The following PARD3 variants were observed in gnomAD, a reference collection of about 807,000 sequenced individuals.
The protein encoded by PARD3 is partitioning defective 3 homolog.
A neutral mutation model predicts 155.4 loss-of-function variants in PARD3; 75 were observed. The ratio of observed to expected loss-of-function variants is 0.48; its 90% CI spans 0.40 to 0.58. The LOEUF (loss-of-function observed/expected upper bound fraction) is 0.58. PARD3 is among the 20% of genes least tolerant of loss of function. The probability of loss-of-function intolerance (pLI) is 0.00; values close to 1 mark genes in which losing one functional copy is unlikely to be tolerated. For synonymous variants in PARD3, 576 were observed against 610.5 expected (o/e 0.94, Z 0.83); for missense variants, 1,642 against 1,721.7 (o/e 0.95, Z 0.82).
rs7092877 is a variant in PARD3, at chr10:34,499,456, A to G, written c.403+17523T>C. On this transcript the variant is annotated intron_variant, in intron 3 of 24. Coordinates refer to ENST00000374788, the MANE Select transcript of PARD3 (RefSeq NM_001184785.2). ...ACAAAAAGTTATTTGCGAGGTTTCC[A>G]TATAAAATTACAACCTTGGAGAATG... is the stretch of plus-strand genomic sequence containing the variant. Among the ~76,000 whole-genome samples, 4 of 152,166 alleles carry G rather than the reference A, an allele frequency of 2.6e-5. No individual in the cohort carries two copies. In the East Asian group the frequency reaches 5.8e-4, roughly 22 times the overall value.
chr10:34,502,250 G>A (rs2080765378), intron 3 of PARD3, among the ~76,000 whole-genome samples: 1 of 152,290 alleles, frequency 6.6e-6, no homozygotes, highest in East Asian at 1.9e-4. Flanking sequence ...AGTCTTAAAC[G>A]TGGAAGAGAA....
intron 5 of PARD3, among the ~76,000 whole-genome samples, chr10:34,412,366 T>A (rs979922689): frequency 5.3e-5 from 8 of 152,166 alleles, no homozygotes; most frequent in African/African-American, 1.4e-4. Flanking sequence ...TAACATTTTT[T>A]AAAAAGCGAT....
At chr10:34,398,029 T>A (rs895693199) in intron 7 of PARD3, among the ~76,000 whole-genome samples, 5 of 152,148 alleles carry the variant, frequency 3.3e-5, no homozygotes, top group Non-Finnish European at 5.9e-5. Context: ...TCTCTAAAGT[T>A]AAAAAAAGAA....
chr10:34,455,109 G>C (rs1283541342), intron 4 of PARD3, among the ~76,000 whole-genome samples: 2 of 152,154 alleles, frequency 1.3e-5, no homozygotes. Context: ...GCAGAAGTCA[G>C]AACTGGGGTT....
intron 22 of PARD3, among the ~76,000 whole-genome samples, chr10:34,242,700 G>C (rs1329697073): frequency 1.3e-5 from 2 of 152,166 alleles, no homozygotes; most frequent in Non-Finnish European, 2.9e-5. Context: ...TTGAAAGGTG[G>C]AGGCAGGCAG....
intron 22 of PARD3, among the ~76,000 whole-genome samples, chr10:34,190,654 T>C (rs762719270): frequency 2.0e-5 from 3 of 152,128 alleles, no homozygotes; most frequent in Non-Finnish European, 4.4e-5. Context: ...TGGGAGCCCA[T>C]GGCCTAAATG....
chr10:34,286,032 A>T (rs1056265900), intron 20 of PARD3, among the ~76,000 whole-genome samples: 4 of 152,228 alleles, frequency 2.6e-5, no homozygotes, highest in Non-Finnish European at 5.9e-5. Flanking sequence ...AAGGTATAAA[A>T]TACATGCTAT....
intron 2 of PARD3, among the ~76,000 whole-genome samples, chr10:34,617,584 T>C (rs2091344360): frequency 6.6e-6 from 1 of 152,254 alleles, no homozygotes; most frequent in Non-Finnish European, 1.5e-5. Flanking sequence ...CCGTATGCCA[T>C]AAATATGTAT....
chr10:34,368,927 CT>C (rs1840278379), intron 12 of PARD3, among the ~76,000 whole-genome samples: 1 of 149,348 alleles, frequency 6.7e-6, no homozygotes, highest in Admixed American at 6.7e-5. Flanking sequence ...TTCTTTATTA[CT>C]TGTTTATTTA....
intron 19 of PARD3, among the ~76,000 whole-genome samples, chr10:34,328,094 C>T (rs779616575): frequency 4.6e-5 from 7 of 152,176 alleles, no homozygotes; most frequent in African/African-American, 9.7e-5. Context: ...AGTGCCTTCG[C>T]GTCTTCAGTT....
intron 2 of PARD3, among the ~76,000 whole-genome samples, chr10:34,622,819 C>CTTTTTTT (rs1391152056): frequency 7.7e-6 from 1 of 129,746 alleles, no homozygotes; most frequent in African/African-American, 2.9e-5. Context: ...AGTTGGTTTT[C>CTTTTTTT]TTTTTTTCTT....
At chr10:34,231,481 C>A (rs1952929345) in intron 22 of PARD3, among the ~76,000 whole-genome samples, 1 of 151,940 alleles carries the variant, frequency 6.6e-6, no homozygotes, top group Non-Finnish European at 1.5e-5. Flanking sequence ...TACAGATGAT[C>A]ATCTTTCAGG....
chr10:34,337,266 T>C lies in PARD3; in HGVS notation c.2560+9A>G. ...TATTTAGATAAAGATTCATGGAGAT[T>C]GTACTCACTACCTAAATCCATGCTT... On this transcript the variant is annotated intron_variant, in intron 17 of 24. Transcript: ENST00000374788. The C allele has an allele frequency of 1.3e-6, 2 of 1,541,722 alleles. No homozygotes were observed. Among genetic ancestry groups the C allele is most frequent in the South Asian group, 1.2e-5 (1 of 81,546 alleles).
At chr10:34,640,112 GA>G (rs2092622159) in intron 2 of PARD3, among the ~76,000 whole-genome samples, 1 of 152,168 alleles carries the variant, frequency 6.6e-6, no homozygotes, top group South Asian at 2.1e-4. Flanking sequence ...TACAACTGAA[GA>G]AAGAACAAGC....
intron 22 of PARD3, among the ~76,000 whole-genome samples, chr10:34,234,826 T>C (rs1030268051): frequency 3.3e-5 from 5 of 152,204 alleles, no homozygotes; most frequent in African/African-American, 1.2e-4. Context: ...TCTTATGTTT[T>C]TGTAAATGAA....
intron 2 of PARD3, among the ~76,000 whole-genome samples, chr10:34,645,992 G>A (rs1180353299): frequency 6.6e-6 from 1 of 152,126 alleles, no homozygotes; most frequent in African/African-American, 2.4e-5. Flanking sequence ...CACAGAACCG[G>A]GATAAGAGTA....
chr10:34,581,512 G>T (rs1285379287), intron 2 of PARD3, among the ~76,000 whole-genome samples: 1 of 152,090 alleles, frequency 6.6e-6, no homozygotes, highest in East Asian at 1.9e-4. Context: ...GGGATTACAG[G>T]CGTGAGCCAC....
At chr10:34,656,444 A>C (rs2093168310) in intron 2 of PARD3, among the ~76,000 whole-genome samples, 1 of 152,238 alleles carries the variant, frequency 6.6e-6, no homozygotes, top group Non-Finnish European at 1.5e-5. Context: ...AACATATGAA[A>C]GGAGAGTGAC....
At chr10:34,619,852 T>G (rs1760654443) in intron 2 of PARD3, among the ~76,000 whole-genome samples, 2 of 152,228 alleles carry the variant, frequency 1.3e-5, no homozygotes, top group African/African-American at 2.4e-5. Context: ...TTCAGGAAAC[T>G]GTTCCTGACA....
Sources: gnomAD v4.1 joint callset for allele counts (sites outside exome capture counted in the v4.1 genomes callset) on GRCh38, gnomAD v4.1.1 for gene constraint, MANE v1.5 for transcripts, NCBI Gene and HGNC (gene_info 2026-07-23, HGNC 2026-07-21) for gene names.